The following OSGIN2 variants were observed in gnomAD, a reference collection of about 807,000 sequenced individuals.
OSGIN2 encodes oxidative stress-induced growth inhibitor 2.
In OSGIN2, 19 loss-of-function variants were observed where a neutral mutation model predicts 53.8. The ratio of observed to expected loss-of-function variants is 0.35; its 90% CI spans 0.25 to 0.52. The LOEUF is 0.52. OSGIN2 is among the 20% of genes least tolerant of loss of function. OSGIN2 has a pLI of 0.95. For missense variants in OSGIN2, 520 were observed against 662.7 expected, an observed-to-expected ratio of 0.78 and a Z score of 2.36; for synonymous variants, 236 against 236.0, an observed-to-expected ratio of 1.00 and a Z score of 0.00.
intron 1 of OSGIN2, 30 bp downstream of exon 1, chr8:89,902,867 G>T: frequency 1.5e-6 from 2 of 1,349,930 alleles, no homozygotes; most frequent in Non-Finnish European, 1.9e-6. Context: ...TGGGAGGGGA[G>T]CAGGCGGGGA....
At chr8:89,914,874 A>T in intron 4 of OSGIN2, 128 bp downstream of exon 4, 1 of 729,736 alleles carries the variant, frequency 1.4e-6, no homozygotes, top group South Asian at 1.9e-5. Context: ...GAAGAACTTT[A>T]ATGCTGTTCA....
At chr8:89,909,039 T>A (rs1311335641) in intron 1 of OSGIN2, among the ~76,000 whole-genome samples, 918 of 59,640 alleles carry the variant, frequency 0.015, 26 homozygotes, top group African/African-American at 0.058. Context: ...AAAAAAAAAA[T>A]ATATATATAT....
intron 1 of OSGIN2, among the ~76,000 whole-genome samples, chr8:89,908,395 A>G (rs1436236627): frequency 6.6e-6 from 1 of 152,150 alleles, no homozygotes; most frequent in East Asian, 1.9e-4. Context: ...AGTCTCGCCT[A>G]TCCTAGGGTA....
At chr8:89,919,874 GTTTGCATCCTTTAA>G (rs1179360554) in intron 4 of OSGIN2, among the ~76,000 whole-genome samples, 1 of 152,098 alleles carries the variant, frequency 6.6e-6, no homozygotes, top group Non-Finnish European at 1.5e-5. Context: ...CTTCTATTTA[GTTTGCATCCTTTAA>G]TACTACAGTG....
chr8:89,907,740 G>T (rs1216312541), intron 1 of OSGIN2, among the ~76,000 whole-genome samples: 18 of 152,088 alleles, frequency 1.2e-4, no homozygotes, highest in Non-Finnish European at 1.5e-4. Flanking sequence ...TGGCTATTTA[G>T]GCTCTTTTTT....
chr8:89,921,243 T>C, intron 5 of OSGIN2, 72 bp downstream of exon 5: 2 of 832,796 alleles, frequency 2.4e-6, no homozygotes, highest in Admixed American at 4.8e-5. Context: ...TTCAAAATAT[T>C]TGTGATTTTG....
chr8:89,910,790 C>G (rs747994103), intron 2 of OSGIN2, among the ~76,000 whole-genome samples: 2 of 152,202 alleles, frequency 1.3e-5, no homozygotes, highest in Admixed American at 6.5e-5. Flanking sequence ...CACCTGCCCA[C>G]TCCACTTCCC....
At chr8:89,908,790 A>G (rs963226982) in intron 1 of OSGIN2, among the ~76,000 whole-genome samples, 1 of 151,920 alleles carries the variant, frequency 6.6e-6, no homozygotes, top group African/African-American at 2.4e-5. Flanking sequence ...TAACATTAAG[A>G]AATTATTTTA....
At chr8:89,903,205 C>G (rs2130683581) in intron 1 of OSGIN2, among the ~76,000 whole-genome samples, 1 of 152,252 alleles carries the variant, frequency 6.6e-6, no homozygotes, top group Non-Finnish European at 1.5e-5. Context: ...AAAAAGTCTT[C>G]TAAATAATGT....
chr8:89,901,953 G>A (rs367619496), upstream of OSGIN2: 11 of 152,506 alleles, frequency 7.2e-5, no homozygotes, highest in East Asian at 1.2e-3. Context: ...CATGAAGAGG[G>A]GAGGATGACC....
chr8:89,903,614 A>C (rs1456042521), intron 1 of OSGIN2, among the ~76,000 whole-genome samples: 1 of 152,210 alleles, frequency 6.6e-6, no homozygotes, highest in Non-Finnish European at 1.5e-5. Context: ...AGCCTTCCTA[A>C]ATAGTGGGTT....
chr8:89,908,349 C>A (rs1209207354), intron 1 of OSGIN2, among the ~76,000 whole-genome samples: 3 of 152,172 alleles, frequency 2.0e-5, no homozygotes, highest in Non-Finnish European at 2.9e-5. Flanking sequence ...AGGTTACTTT[C>A]TTTGCTTCAA....
intron 1 of OSGIN2, among the ~76,000 whole-genome samples, chr8:89,908,506 T>G (rs927322665): frequency 1.3e-5 from 2 of 152,168 alleles, no homozygotes; most frequent in African/African-American, 2.4e-5. Context: ...TTCAATCTTG[T>G]GAAATAACTG....
At chr8:89,917,661 C>G (rs1304943607) in intron 4 of OSGIN2, among the ~76,000 whole-genome samples, 1 of 151,592 alleles carries the variant, frequency 6.6e-6, no homozygotes, top group Non-Finnish European at 1.5e-5. Context: ...TCTTTTTTTT[C>G]TTTCATGCTT....
chr8:89,902,742 A>C lies in OSGIN2; in HGVS notation c.-52A>C. On this transcript the variant is annotated 5_prime_UTR_variant, in exon 1 of 6. Coordinates refer to ENST00000451899, the MANE Select transcript of OSGIN2 (RefSeq NM_001126111.3). ...CCCGAGCGGGCAGCCTCGCCGGGGGAGGCGGAGGCGGCCACGGCGGCCGCG... is the reference window on the plus strand; with the variant it reads ...CCCGAGCGGGCAGCCTCGCCGGGGGCGGCGGAGGCGGCCACGGCGGCCGCG... 9.0e-7 allele frequency: 1 copy of C among 1,105,592 alleles called. No homozygotes were observed. Among genetic ancestry groups the C allele is most frequent in the East Asian group, 4.0e-5 (1 of 24,712 alleles). The allele number at this position is 1,105,592 out of a possible 1,614,324, so 68.5% of individuals were successfully genotyped here. A position where few individuals can be genotyped will look rare whatever the true frequency, so the allele number is the denominator to read the frequency against.
intron 1 of OSGIN2, among the ~76,000 whole-genome samples, chr8:89,904,167 C>A (rs912437402): frequency 3.9e-5 from 6 of 152,136 alleles, no homozygotes; most frequent in African/African-American, 1.2e-4. Flanking sequence ...ACTGAGACAG[C>A]GGTTTGAAGG....
rs775043597 is a variant in OSGIN2, at chr8:89,917,790, CCT to C, written c.528+3045_528+3046del. On this transcript the variant is annotated intron_variant, in intron 4 of 5. Coordinates refer to ENST00000451899, the MANE Select transcript of OSGIN2 (RefSeq NM_001126111.3). ...GATGCAAATTCTTTTTTTTTAATCC[CCT>C]GTTATAATGGAAGAGATATTACTAC... 7.9e-5 allele frequency among the ~76,000 whole-genome samples: 12 copies of C among 152,072 alleles called. No individual in the cohort carries two copies. The East Asian group carries it at 1.4e-3, about 17-fold the overall frequency.
rs1287653972 is a variant in OSGIN2, at chr8:89,926,003, A to G, written c.*471A>G. Reference sequence around the variant, plus strand: ...AGAAATGTAAACTCTCAGGCCCCACAACTTACTTCCTGCATTTTAACAAGA... The same window carrying G: ...AGAAATGTAAACTCTCAGGCCCCACGACTTACTTCCTGCATTTTAACAAGA... On this transcript the variant is annotated 3_prime_UTR_variant, in exon 6 of 6. Coordinates refer to ENST00000451899, the MANE Select transcript of OSGIN2 (RefSeq NM_001126111.3). 2.6e-5 allele frequency: 4 copies of G among 156,370 alleles called. No individual in the cohort carries two copies. Among genetic ancestry groups the G allele is most frequent in the Non-Finnish European group, 5.7e-5 (4 of 70,464 alleles). 9.7% of individuals were successfully genotyped at this position (156,370 alleles called of 1,614,324 possible).
Position 89,921,167 on chromosome 8 carries a change from C to T in OSGIN2, c.616C>T (p.Arg206Ter), listed in dbSNP as rs1481697200. ...ATTTAAGGACTGGGTATCAAGTAAA[C>T]GAAGGTAAAGATTGAACTGTATTAA... ...LKFKDWVSSKRRSLKGDRVMP... is the reference protein window; with the variant it reads ...LKFKDWVSSK The change falls in exon 5 of 6, where the codon CGA (arginine) becomes TGA (stop). Residue 206 changes from arginine (R) to a stop codon, truncating the protein, a stop_gained. Coordinates refer to ENST00000451899, the MANE Select transcript of OSGIN2 (RefSeq NM_001126111.3). LOFTEE classifies it high-confidence loss of function. 2 of 1,560,658 alleles carry T rather than the reference C, an allele frequency of 1.3e-6. No homozygotes were observed. The highest frequency in any genetic ancestry group is 1.7e-6 in the Non-Finnish European group (2 of 1,143,292).
Sources: gnomAD v4.1 joint callset for allele counts (sites outside exome capture counted in the v4.1 genomes callset) on GRCh38, gnomAD v4.1.1 for gene constraint, MANE v1.5 for transcripts, NCBI Gene and HGNC (gene_info 2026-07-23, HGNC 2026-07-21) for gene names.